The following OPCML variants were observed in gnomAD, a reference collection of about 807,000 sequenced individuals.
OPCML encodes opioid binding protein/cell adhesion molecule like.
A neutral mutation model predicts 37.8 loss-of-function variants in OPCML; 13 were observed. The ratio of observed to expected loss-of-function variants is 0.34; its 90% CI spans 0.22 to 0.55. The LOEUF (loss-of-function observed/expected upper bound fraction) is 0.55, where lower values mean the gene tolerates loss of function less well. Among genes scored for constraint, OPCML ranks in the 20% least tolerant of loss-of-function variants. The pLI is 0.91. For missense variants in OPCML, 341 were observed against 435.6 expected, an observed-to-expected ratio of 0.78 and a Z score of 1.93; for synonymous variants, 176 against 168.8, an observed-to-expected ratio of 1.04 and a Z score of -0.33.
chr11:132,433,833 C>T (rs976677904), intron 7 of OPCML, among the ~76,000 whole-genome samples: 3 of 152,190 alleles, frequency 2.0e-5, no homozygotes, highest in African/African-American at 7.2e-5. Context: ...GAGGTGAGCC[C>T]TCACAGGAAC....
chr11:133,422,451 T>C lies in OPCML; in HGVS notation c.61+109813A>G. The C allele has an allele frequency of 3.1e-6, 3 of 979,804 alleles. No homozygotes were observed. In the South Asian group the frequency reaches 1.4e-4, roughly 46 times the overall value. 60.7% of individuals were successfully genotyped at this position (979,804 alleles called of 1,614,324 possible). On this transcript the variant is annotated intron_variant, in intron 1 of 7. Transcript: ENST00000524381. ...ACCTCTCTATCATTGTGGAGAGGAG[T>C]CTTGGGAGAGGAAGTCTTACCCATG...
At chr11:132,721,958 T>A (rs1390435364) in intron 2 of OPCML, among the ~76,000 whole-genome samples, 12 of 136,380 alleles carry the variant, frequency 8.8e-5, no homozygotes, top group African/African-American at 3.3e-4. Context: ...CCCTTTTTTT[T>A]TTTTTTTTTT....
At chr11:133,185,261 C>T (rs555471873) in intron 1 of OPCML, among the ~76,000 whole-genome samples, 7 of 152,312 alleles carry the variant, frequency 4.6e-5, no homozygotes, top group Middle Eastern at 3.4e-3. Context: ...TAATCATTGT[C>T]GGAGCCCATT....
At chr11:133,395,802 T>C (rs1945272431) in intron 1 of OPCML, among the ~76,000 whole-genome samples, 1 of 152,218 alleles carries the variant, frequency 6.6e-6, no homozygotes, top group Non-Finnish European at 1.5e-5. Flanking sequence ...TAGTACAATT[T>C]GAAGTTAGGT....
rs370805546 is a variant in OPCML at position 132,552,093 on chromosome 11, A to G, written c.380-22907T>C. On this transcript the variant is annotated intron_variant, in intron 3 of 7. Coordinates refer to ENST00000524381, the MANE Select transcript of OPCML (RefSeq NM_001012393.5). ...GCTTCTCAGTCACTAGAAGAGCTGT[A>G]AAAACAGATTACAAGGCCCTGCCTC... Among the ~76,000 whole-genome samples, 169 of 152,376 alleles carry G rather than the reference A, an allele frequency of 1.1e-3. 1 individual carries two copies. The highest frequency in any genetic ancestry group is 2.1e-3 in the Non-Finnish European group (142 of 68,038).
At chr11:132,563,116 TA>T (rs1200087757) in intron 3 of OPCML, among the ~76,000 whole-genome samples, 2 of 152,222 alleles carry the variant, frequency 1.3e-5, no homozygotes, top group South Asian at 2.1e-4. Context: ...TTCATTAAGA[TA>T]AATGCTTATG....
chr11:132,436,093 T>C lies in OPCML; in HGVS notation c.909A>G (p.Thr303=). The C allele has an allele frequency of 1.2e-6, 2 of 1,613,904 alleles. No homozygotes were observed. Among genetic ancestry groups the C allele is most frequent in the African/African-American group, 1.3e-5 (1 of 75,054 alleles). The change falls in exon 7 of 8, where the codon ACA becomes ACG. Residue 303 remains threonine (T), a synonymous_variant. Coordinates refer to ENST00000524381, the MANE Select transcript of OPCML (RefSeq NM_001012393.5). ...NKLGNTNASI[T]LYGPGAVIDG... is the part of the protein sequence containing the mutation. ...CAGGCTTCCAGCACTCACCATACAA[T>C]GTGATGCTGGCATTGGTGTTCCCAA...
intron 1 of OPCML, among the ~76,000 whole-genome samples, chr11:133,120,296 C>A (rs76482600): frequency 0.014 from 2,141 of 152,284 alleles, 49 homozygotes; most frequent in African/African-American, 0.048. Flanking sequence ...GTATAAATAT[C>A]ATTTCCATTT....
chr11:132,771,902 CTCT>C (rs1284049779), intron 2 of OPCML: 1 of 152,214 alleles, frequency 6.6e-6, no homozygotes, highest in Non-Finnish European at 1.5e-5. Flanking sequence ...CTAACGCGGC[CTCT>C]TCTTGTAAAT....
chr11:133,275,968 C>T (rs1941981810), intron 1 of OPCML, among the ~76,000 whole-genome samples: 1 of 152,132 alleles, frequency 6.6e-6, no homozygotes, highest in Admixed American at 6.5e-5. Flanking sequence ...TTGTCCACAT[C>T]CCCACTAAGG....
intron 1 of OPCML, chr11:133,366,113 C>T (rs911352265): frequency 6.6e-6 from 1 of 152,368 alleles, no homozygotes; most frequent in African/African-American, 2.4e-5. Context: ...CCCTAAAGCA[C>T]ACAGGCTAAT....
At chr11:133,157,366 AG>A (rs1237289637) in intron 1 of OPCML, among the ~76,000 whole-genome samples, 2 of 152,186 alleles carry the variant, frequency 1.3e-5, no homozygotes, top group Non-Finnish European at 2.9e-5. Context: ...GAATGCTAGC[AG>A]GGCTGGGCTG....
At chr11:132,582,801 G>A (rs1453232571) in intron 3 of OPCML, among the ~76,000 whole-genome samples, 4 of 150,870 alleles carry the variant, frequency 2.7e-5, no homozygotes, top group Non-Finnish European at 4.4e-5. Context: ...TCATCTGCAA[G>A]AGGAAAATAA....
At chr11:132,808,940 A>G (rs372264295) in intron 2 of OPCML, among the ~76,000 whole-genome samples, 1 of 152,150 alleles carries the variant, frequency 6.6e-6, no homozygotes. Flanking sequence ...TGTTATTCTA[A>G]AAGCCCCAAA....
chr11:133,014,481 C>G (rs937213348), intron 1 of OPCML, among the ~76,000 whole-genome samples: 2 of 152,146 alleles, frequency 1.3e-5, no homozygotes, highest in Admixed American at 6.5e-5. Flanking sequence ...AGGCTCCTTC[C>G]CCATGAAGGA....
At chr11:132,657,402 G>A (rs1456917473) in intron 2 of OPCML, 83 bp from the exon 3 acceptor site, 63 of 1,501,982 alleles carry the variant, frequency 4.2e-5, no homozygotes, top group Middle Eastern at 2.0e-4. Flanking sequence ...TAAATAAGAC[G>A]TTGCATTTTG....
chr11:133,221,286 G>T (rs2136363368), intron 1 of OPCML, among the ~76,000 whole-genome samples: 1 of 152,296 alleles, frequency 6.6e-6, no homozygotes, highest in South Asian at 2.1e-4. Context: ...GAAGCAGGTT[G>T]GTTCGTAGGG....
intron 1 of OPCML, among the ~76,000 whole-genome samples, chr11:133,017,676 A>G (rs1248742160): frequency 6.6e-6 from 1 of 152,202 alleles, no homozygotes; most frequent in African/African-American, 2.4e-5. Context: ...GGCATGAGCC[A>G]CTGCGCCTGG....
intron 2 of OPCML, among the ~76,000 whole-genome samples, chr11:132,884,557 A>AAT (rs1226326858): frequency 3.9e-5 from 6 of 152,226 alleles, no homozygotes; most frequent in Admixed American, 3.3e-4. Context: ...GAATTCTGTG[A>AAT]ATATATAGCT....
Sources: gnomAD v4.1 joint callset for allele counts (sites outside exome capture counted in the v4.1 genomes callset) on GRCh38, gnomAD v4.1.1 for gene constraint, MANE v1.5 for transcripts, NCBI Gene and HGNC (gene_info 2026-07-23, HGNC 2026-07-21) for gene names.